The following INTS2 variants were observed in gnomAD, a reference collection of about 807,000 sequenced individuals.
INTS2 encodes KIAA1287.
Under a neutral mutation model 139.6 loss-of-function variants are expected in INTS2, and 57 were observed. The observed-to-expected ratio is 0.41, with a 90% CI of 0.33 to 0.51. INTS2 has a LOEUF of 0.51. Among genes scored for constraint, INTS2 ranks in the 20% least tolerant of loss-of-function variants. The probability of loss-of-function intolerance (pLI) is 0.28; values close to 1 mark genes in which losing one functional copy is unlikely to be tolerated. For missense variants in INTS2, 1,196 were observed against 1,436.7 expected, an observed-to-expected ratio of 0.83 and a Z score of 2.71; for synonymous variants, 473 against 493.4, an observed-to-expected ratio of 0.96 and a Z score of 0.55.
At chr17:61,915,341 A>AAAAAAAAT (rs550513018) in intron 5 of INTS2, among the ~76,000 whole-genome samples, 3 of 141,324 alleles carry the variant, frequency 2.1e-5, no homozygotes, top group Non-Finnish European at 4.5e-5. Flanking sequence ...CCGTCTCAAA[A>AAAAAAAAT]AAATAAATAA....
rs1567901533 is a variant in INTS2, at chr17:61,893,656, C to T, written c.1698+109G>A. 1 of 745,552 alleles carries T rather than the reference C, an allele frequency of 1.3e-6. No homozygotes were observed. 46.2% of individuals were successfully genotyped at this position (745,552 alleles called of 1,614,324 possible). A position where few individuals can be genotyped will look rare whatever the true frequency, so the allele number is the denominator to read the frequency against. On this transcript the variant is annotated intron_variant, in intron 13 of 24. Coordinates refer to ENST00000251334, the MANE Select transcript of INTS2 (RefSeq NM_001351695.2). This position sits in a 1 kb window ranked among gnomAD's most constrained non-coding sequence, Gnocchi z 5.4. ...GTTACAGTGAGCCAAGACTGCACCA[C>T]TGCACTCCAACCTGGGTGACTGAGC...
intron 9 of INTS2, among the ~76,000 whole-genome samples, chr17:61,903,297 C>T (rs2143056302): frequency 6.6e-6 from 1 of 151,040 alleles, no homozygotes; most frequent in African/African-American, 2.4e-5. Context: ...CTCAAGCAAC[C>T]CTCCCGCCTC....
Position 61,882,019 on chromosome 17 carries a change from T to C in INTS2, c.2090-848A>G, listed in dbSNP as rs891136582. ...AAAAGGTCCTATTCAGAAATACTGA[T>C]AGGCTTCTGTAGAGAACATGCCCTT... On this transcript the variant is annotated intron_variant, in intron 16 of 24. Transcript: ENST00000251334. The surrounding 1 kb of genome is among the most constrained non-coding windows in gnomAD (Gnocchi z 4.7). Among the ~76,000 whole-genome samples, 3 of 152,230 alleles carry C rather than the reference T, an allele frequency of 2.0e-5. No homozygotes were observed. The highest frequency in any genetic ancestry group is 4.4e-5 in the Non-Finnish European group (3 of 68,042).
Position 61,911,795 on chromosome 17 carries a change from C to G in INTS2, c.781-102G>C, listed in dbSNP as rs1281344453. ...CTAAAGTTTAGAGGAAGAACTCCTA[C>G]AAAACATAAAAACCCAGAGAGGAAG... On this transcript the variant is annotated intron_variant, in intron 6 of 24. Transcript: ENST00000251334. 280 of 1,436,796 alleles carry G rather than the reference C, an allele frequency of 1.9e-4. 2 individuals carry two copies. Among genetic ancestry groups the G allele is most frequent in the Non-Finnish European group, 2.6e-4 (275 of 1,058,182 alleles). The allele number at this position is 1,436,796 out of a possible 1,614,324, so 89.0% of individuals were successfully genotyped here.
At chr17:61,898,297 A>T (rs1046173977) in intron 9 of INTS2, among the ~76,000 whole-genome samples, 3 of 152,102 alleles carry the variant, frequency 2.0e-5, no homozygotes, top group Non-Finnish European at 4.4e-5. Context: ...TGGCTATAAA[A>T]ATACGACTTT....
Position 61,869,667 on chromosome 17 carries a change from TTAATATAG to T in INTS2, c.3030+62_3030+69del. On this transcript the variant is annotated intron_variant, in intron 21 of 24. Transcript: ENST00000251334. This position sits in a 1 kb window ranked among gnomAD's most constrained non-coding sequence, Gnocchi z 5.4. ...TTCTCTGGTTTCTAAATGATCCCTG[TTAATATAG>T]TATTCAAAGCCCCCAAGAAAAATAA... 2 of 1,516,304 alleles carry T rather than the reference TTAATATAG, an allele frequency of 1.3e-6. No individual in the cohort carries two copies. Among genetic ancestry groups the T allele is most frequent in the Non-Finnish European group, 1.8e-6 (2 of 1,110,548 alleles). 93.9% of individuals were successfully genotyped at this position (1,516,304 alleles called of 1,614,324 possible). A position where few individuals can be genotyped will look rare whatever the true frequency, so the allele number is the denominator to read the frequency against.
Position 61,870,071 on chromosome 17 carries a change from A to G in INTS2, c.2779-83T>C. On this transcript the variant is annotated intron_variant, in intron 20 of 24. Coordinates refer to ENST00000251334, the MANE Select transcript of INTS2 (RefSeq NM_001351695.2). The surrounding 1 kb of genome is among the most constrained non-coding windows in gnomAD (Gnocchi z 4.4). ...TCAGATTTTATTTTCACATGAACAGATATGATAAAATAACTAATTTCTTAA... is the reference window on the plus strand; with the variant it reads ...TCAGATTTTATTTTCACATGAACAGGTATGATAAAATAACTAATTTCTTAA... 8.0e-7 allele frequency: 1 copy of G among 1,255,430 alleles called. No individual in the cohort carries two copies. The allele number at this position is 1,255,430 out of a possible 1,614,324, so 77.8% of individuals were successfully genotyped here.
chr17:61,880,441 G>A (rs2079167604), intron 17 of INTS2, among the ~76,000 whole-genome samples: 1 of 152,158 alleles, frequency 6.6e-6, no homozygotes, highest in East Asian at 1.9e-4. Flanking sequence ...AAAGATACAA[G>A]CACATCAGAA....
intron 3 of INTS2, among the ~76,000 whole-genome samples, chr17:61,923,414 T>G (rs866274610): frequency 8.8e-5 from 13 of 147,160 alleles, no homozygotes; most frequent in African/African-American, 3.0e-4. Flanking sequence ...GAGGCGGAGC[T>G]TGCAGTGAGC....
At chr17:61,890,907 C>A (rs753204714) in intron 14 of INTS2, among the ~76,000 whole-genome samples, 12 of 142,422 alleles carry the variant, frequency 8.4e-5, no homozygotes, top group African/African-American at 1.3e-4. Flanking sequence ...TCGCTTGAAC[C>A]CAGGAAGCGG....
At chr17:61,919,291 A>G (rs2079614692) in intron 5 of INTS2, 109 bp downstream of exon 5, 1 of 619,906 alleles carries the variant, frequency 1.6e-6, no homozygotes, top group Admixed American at 3.0e-5. Context: ...CTTTCAAAAG[A>G]TAAAATCTCA....
In INTS2 at chr17:61,927,720, C is replaced by A; in HGVS notation, c.-85G>T. 6.9e-7 allele frequency: 1 copy of A among 1,454,614 alleles called. No individual in the cohort carries two copies. Among genetic ancestry groups the A allele is most frequent in the South Asian group, 1.4e-5 (1 of 70,712 alleles). 90.1% of individuals were successfully genotyped at this position (1,454,614 alleles called of 1,614,324 possible). On this transcript the variant is annotated 5_prime_UTR_variant, in exon 1 of 25. Transcript: ENST00000251334. Reference sequence around the variant, plus strand: ...TCCGCGTCCTAGAGGCGGGACGCGGCAGAAATCGAGAGCGCGGTCCGATGT... The same window carrying A: ...TCCGCGTCCTAGAGGCGGGACGCGGAAGAAATCGAGAGCGCGGTCCGATGT...
intron 4 of INTS2, 49 bp from the exon 5 acceptor site, chr17:61,919,562 A>G: frequency 1.1e-6 from 1 of 909,374 alleles, no homozygotes; most frequent in Non-Finnish European, 1.8e-6. Flanking sequence ...GGTGCACTCC[A>G]CCACACCCAG....
At chr17:61,899,116 T>C (rs1436512965) in intron 9 of INTS2, among the ~76,000 whole-genome samples, 1 of 152,272 alleles carries the variant, frequency 6.6e-6, no homozygotes, top group Non-Finnish European at 1.5e-5. Context: ...TGTTATGTAG[T>C]AGAAAGATTA....
At chr17:61,880,195 G>A (rs972417617) in intron 17 of INTS2, among the ~76,000 whole-genome samples, 5 of 151,806 alleles carry the variant, frequency 3.3e-5, no homozygotes, top group East Asian at 1.9e-4. Flanking sequence ...AGGCGCCCAC[G>A]ACCACGCCCG....
intron 9 of INTS2, among the ~76,000 whole-genome samples, chr17:61,899,291 C>A (rs568236336): frequency 3.9e-5 from 6 of 152,052 alleles, no homozygotes; most frequent in Non-Finnish European, 8.8e-5. Context: ...GCTCTTGTTG[C>A]CCAGGCTGGA....
intron 4 of INTS2, among the ~76,000 whole-genome samples, chr17:61,920,016 T>C (rs997039687): frequency 1.3e-5 from 2 of 152,118 alleles, no homozygotes; most frequent in Non-Finnish European, 1.5e-5. Context: ...ACTAGCAACA[T>C]AAGGATACTT....
chr17:61,869,034 C>A lies in INTS2; in HGVS notation c.3244G>T (p.Val1082Phe). 6.4e-7 allele frequency: 1 copy of A among 1,562,644 alleles called. No homozygotes were observed. Among genetic ancestry groups the A allele is most frequent in the Non-Finnish European group, 8.8e-7 (1 of 1,134,920 alleles). The change falls in exon 23 of 25, where the codon GTT (valine) becomes TTT (phenylalanine). Residue 1082 changes from valine (V) to phenylalanine (F), a missense_variant and splice_region_variant. Val to Phe is a conservative substitution (Grantham distance 50, BLOSUM62 -1). This residue lies in a region of INTS2 where 1,129 missense variants were observed against 1,341.9 expected (regional missense o/e 0.84). Transcript: ENST00000251334. This position sits in a 1 kb window ranked among gnomAD's most constrained non-coding sequence, Gnocchi z 5.4. ...TTGTTGATGTTGATTGGCTACATAC[C>A]TGTTAACAAAGTTCCCATGACATTG... Reference protein sequence around the residue: ...AVNVMGTLLTVLTQAKRYAFF... With the variant: ...AVNVMGTLLTFLTQAKRYAFF...
Position 61,904,588 on chromosome 17 carries a change from A to G in INTS2, c.1182-3T>C, listed in dbSNP as rs1389107637. 6.2e-7 allele frequency: 1 copy of G among 1,607,078 alleles called. No individual in the cohort carries two copies. Among genetic ancestry groups the G allele is most frequent in the Non-Finnish European group, 8.5e-7 (1 of 1,177,154 alleles). ...GCTCAGCTTCTTCTTCAGTTGGTCT[A>G]AAAAGGAATACATCATTAGGCTTTA... On this transcript the variant is annotated splice_region_variant and splice_polypyrimidine_tract_variant and intron_variant, in intron 8 of 24. Transcript: ENST00000251334.
Sources: gnomAD v4.1 joint callset for allele counts (sites outside exome capture counted in the v4.1 genomes callset) on GRCh38, gnomAD v4.1.1 for gene constraint, gnomAD v4.1.1 regional missense constraint, Gnocchi (gnomAD v3.1) non-coding constraint, MANE v1.5 for transcripts, NCBI Gene and HGNC (gene_info 2026-07-23, HGNC 2026-07-21) for gene names.